Variants in CALB1 observed in about 807,000 individuals in gnomAD.
CALB1 encodes calbindin 1.
A neutral mutation model predicts 46.7 loss-of-function variants in CALB1; 16 were observed. The observed-to-expected ratio is 0.34, with a 90% CI of 0.23 to 0.52. The LOEUF (loss-of-function observed/expected upper bound fraction) is 0.52. Among genes scored for constraint, CALB1 ranks in the 20% least tolerant of loss-of-function variants. The pLI is 0.95. For missense variants in CALB1, 224 were observed against 300.3 expected (o/e 0.75, Z 1.88); for synonymous variants, 90 against 112.8 (o/e 0.80, Z 1.28).
At chr8:90,077,042 C>T (rs369461844) in intron 3 of CALB1, among the ~76,000 whole-genome samples, 4 of 152,052 alleles carry the variant, frequency 2.6e-5, no homozygotes, top group South Asian at 4.1e-4. Flanking sequence ...TCTAAAAGAG[C>T]CAATCCGTAA....
intron 2 of CALB1, 44 bp from the exon 3 acceptor site, chr8:90,078,491 C>T (rs1487485533): frequency 1.2e-5 from 13 of 1,121,516 alleles, no homozygotes; most frequent in Non-Finnish European, 1.7e-5. Flanking sequence ...TAAAAAAATA[C>T]CAGTTATGCT....
At chr8:90,075,862 T>C (rs1299695918) in intron 3 of CALB1, among the ~76,000 whole-genome samples, 2 of 152,092 alleles carry the variant, frequency 1.3e-5, no homozygotes, top group African/African-American at 2.4e-5. Flanking sequence ...CTTACTCCTA[T>C]GTCTTGGCTG....
chr8:90,081,760 C>A (rs1814735791), intron 2 of CALB1, among the ~76,000 whole-genome samples: 1 of 151,982 alleles, frequency 6.6e-6, no homozygotes, highest in African/African-American at 2.4e-5. Flanking sequence ...CTCTCTCTGT[C>A]TGTCTCCCTT....
Position 90,059,015 on chromosome 8 carries a change from T to G in CALB1, c.*1158A>C, listed in dbSNP as rs1814248241. On this transcript the variant is annotated 3_prime_UTR_variant, in exon 11 of 11. Transcript: ENST00000265431. ...TACAAATATGTGAAACTGACTTAGA[T>G]GTATGTTAAAGAATGTTTTAGAATC... 6.6e-6 allele frequency: 1 copy of G among 152,220 alleles called. No individual in the cohort carries two copies. The highest frequency in any genetic ancestry group is 2.1e-4 in the South Asian group (1 of 4,832). 9.4% of individuals were successfully genotyped at this position (152,220 alleles called of 1,614,324 possible). A position where few individuals can be genotyped will look rare whatever the true frequency, so the allele number is the denominator to read the frequency against.
rs1166562987 is a variant in CALB1, at chr8:90,082,103, C to A, written c.80-1G>T. On this transcript the variant is annotated splice_acceptor_variant, in intron 1 of 10. Coordinates refer to ENST00000265431, the MANE Select transcript of CALB1 (RefSeq NM_004929.4). LOFTEE classifies it high-confidence loss of function. The stretch of plus-strand genomic sequence containing the variant: ...TCCTTTCCTTCCAGGTAACCACTTC[C>A]TGCAAAGACAAAGAGGCACCCAGGT... The A allele has an allele frequency of 6.2e-7, 1 of 1,613,646 alleles. No homozygotes were observed. The highest frequency in any genetic ancestry group is 8.5e-7 in the Non-Finnish European group (1 of 1,179,716).
intron 9 of CALB1, chr8:90,062,867 C>T: frequency 2.5e-6 from 1 of 397,334 alleles, no homozygotes; most frequent in Non-Finnish European, 4.5e-6. Context: ...CTAAAATAGT[C>T]ACACTCATAA....
intron 3 of CALB1, among the ~76,000 whole-genome samples, chr8:90,070,460 G>T (rs887168761): frequency 6.6e-6 from 1 of 151,874 alleles, no homozygotes; most frequent in Non-Finnish European, 1.5e-5. Flanking sequence ...CATCCTTTTA[G>T]GTTCATTTAA....
chr8:90,059,273 T>C lies in CALB1; in HGVS notation c.*900A>G, dbSNP rs1242388350. 4 of 152,594 alleles carry C rather than the reference T, an allele frequency of 2.6e-5. No homozygotes were observed. The highest frequency in any genetic ancestry group is 4.8e-5 in the African/African-American group (2 of 41,458). 9.5% of individuals were successfully genotyped at this position (152,594 alleles called of 1,614,324 possible). A position where few individuals can be genotyped will look rare whatever the true frequency, so the allele number is the denominator to read the frequency against. On this transcript the variant is annotated 3_prime_UTR_variant, in exon 11 of 11. Transcript: ENST00000265431. ...TATGTAGTAAAAAATAGAGTTGTTA[T>C]AGCTAGAAAAAAATATTTTCAGAGG...
chr8:90,063,560 T>G (rs895063420), intron 6 of CALB1, 99 bp from the exon 7 acceptor site: 2 of 967,778 alleles, frequency 2.1e-6, no homozygotes, highest in Non-Finnish European at 3.2e-6. Flanking sequence ...ATCAACTACT[T>G]GTATATATGC....
At position 90,060,659 on chromosome 8, in the gene CALB1, T is replaced by G; in HGVS notation, c.642A>C (p.Leu214Phe). The G allele has an allele frequency of 1.9e-6, 3 of 1,613,884 alleles. No homozygotes were observed. Among genetic ancestry groups the G allele is most frequent in the Non-Finnish European group, 2.5e-6 (3 of 1,179,784 alleles). ...GYIDENELDA[L>F]LKDLCEKNKQ... Reference sequence around the variant, plus strand: ...TATTCTTCTCGCACAGATCCTTCAGTAAAGCATCCAGTTCATTTTCATCTA... The same window carrying G: ...TATTCTTCTCGCACAGATCCTTCAGGAAAGCATCCAGTTCATTTTCATCTA... The change falls in exon 10 of 11, where the codon TTA becomes TTC. Residue 214 changes from leucine to phenylalanine, a missense_variant. Coordinates refer to ENST00000265431, the MANE Select transcript of CALB1 (RefSeq NM_004929.4).
At chr8:90,063,522 T>C (rs774208694) in intron 6 of CALB1, 61 bp from the exon 7 acceptor site, 9 of 1,390,510 alleles carry the variant, frequency 6.5e-6, no homozygotes, top group African/African-American at 1.4e-5. Context: ...ATGAAGGAGA[T>C]GAACTTCAAA....
chr8:90,060,715 A>G lies in CALB1; in HGVS notation c.601-15T>C. 4 of 1,573,058 alleles carry G rather than the reference A, an allele frequency of 2.5e-6. No individual in the cohort carries two copies. The highest frequency in any genetic ancestry group is 3.5e-6 in the Non-Finnish European group (4 of 1,142,886). ...CCATTGCCGTCCTGGGGGAGGAGAA[A>G]TAAAATAGTATACAACCAACTCCAT... On this transcript the variant is annotated splice_polypyrimidine_tract_variant and intron_variant, in intron 9 of 10. Coordinates refer to ENST00000265431, the MANE Select transcript of CALB1 (RefSeq NM_004929.4).
intron 1 of CALB1, 130 bp from the exon 2 acceptor site, chr8:90,082,232 A>G (rs1246756019): frequency 2.6e-6 from 2 of 773,288 alleles, no homozygotes; most frequent in East Asian, 2.5e-5. Context: ...ATTAACCAGC[A>G]AAGTGTACAG....
chr8:90,065,236 T>A (rs1248010103), intron 6 of CALB1, among the ~76,000 whole-genome samples: 2 of 151,766 alleles, frequency 1.3e-5, no homozygotes, highest in African/African-American at 4.8e-5. Flanking sequence ...CTGCTCTTTT[T>A]TTTTTCCTGA....
chr8:90,077,096 T>C lies in CALB1; in HGVS notation c.231+1277A>G, dbSNP rs974614041. On this transcript the variant is annotated intron_variant, in intron 3 of 10. Coordinates refer to ENST00000265431, the MANE Select transcript of CALB1 (RefSeq NM_004929.4). ...TCCAAACTAGTTTTGAATAATTAGATTTACCTCATCTCATTTATGTTTAAT... is the reference window on the plus strand; with the variant it reads ...TCCAAACTAGTTTTGAATAATTAGACTTACCTCATCTCATTTATGTTTAAT... Among the ~76,000 whole-genome samples, 18 of 152,184 alleles carry C rather than the reference T, an allele frequency of 1.2e-4. No individual in the cohort carries two copies. In the East Asian group the frequency reaches 1.3e-3, roughly 11 times the overall value.
rs1174670057 is a variant in CALB1, at chr8:90,059,667, C to G, written c.*506G>C. On this transcript the variant is annotated 3_prime_UTR_variant, in exon 11 of 11. Coordinates refer to ENST00000265431, the MANE Select transcript of CALB1 (RefSeq NM_004929.4). ...TAATGAGACTGTTAACTTCATAAAG[C>G]CACAATTAACTATATTTTGGTGAGT... The G allele has an allele frequency of 6.5e-6, 1 of 153,022 alleles. No homozygotes were observed. The highest frequency in any genetic ancestry group is 1.5e-5 in the Non-Finnish European group (1 of 68,710). 9.5% of individuals were successfully genotyped at this position (153,022 alleles called of 1,614,324 possible).
intron 3 of CALB1, among the ~76,000 whole-genome samples, chr8:90,073,219 T>G (rs745682765): frequency 2.0e-5 from 3 of 152,196 alleles, no homozygotes; most frequent in Non-Finnish European, 4.4e-5. Flanking sequence ...TTCCAATAAC[T>G]TATTACTGAG....
At chr8:90,076,277 T>A (rs1213861306) in intron 3 of CALB1, among the ~76,000 whole-genome samples, 3 of 151,964 alleles carry the variant, frequency 2.0e-5, no homozygotes, top group South Asian at 2.1e-4. Flanking sequence ...GCTTGAAAAG[T>A]TTTCCTTTTA....
chr8:90,060,900 A>G (rs1221163081), intron 9 of CALB1, 200 bp from the exon 10 acceptor site: 4 of 557,312 alleles, frequency 7.2e-6, no homozygotes, highest in Non-Finnish European at 1.3e-5. Context: ...CTCATTCAAC[A>G]CCTTACATTT....
Sources: gnomAD v4.1 joint callset for allele counts (sites outside exome capture counted in the v4.1 genomes callset) on GRCh38, gnomAD v4.1.1 for gene constraint, MANE v1.5 for transcripts, NCBI Gene and HGNC (gene_info 2026-07-23, HGNC 2026-07-21) for gene names.